The following SCP2 variants were observed in gnomAD, a reference collection of about 807,000 sequenced individuals.
SCP2 encodes the protein SCP-2/3-oxoacyl-CoA thiolase.
In SCP2, 48 loss-of-function variants were observed where a neutral mutation model predicts 71.4. The observed-to-expected ratio is 0.67, with a 90% CI of 0.53 to 0.86. SCP2 has a LOEUF of 0.86. SCP2 is among the 40% of genes least tolerant of loss of function. SCP2 has a pLI of 0.00. For synonymous variants in SCP2, 220 were observed against 218.1 expected, an observed-to-expected ratio of 1.01 and a Z score of -0.08; for missense variants, 560 against 655.6, an observed-to-expected ratio of 0.85 and a Z score of 1.59.
chr1:53,003,164 C>T (rs1338899837), intron 11 of SCP2, among the ~76,000 whole-genome samples: 2 of 152,158 alleles, frequency 1.3e-5, no homozygotes, highest in African/African-American at 4.8e-5. Flanking sequence ...CTCTAGATAC[C>T]TGTTGCTAGC....
At position 52,954,809 on chromosome 1, in the gene SCP2, GTGTTATTT is replaced by G. The variant is rs1456247174; in HGVS notation, c.396+8_396+15del. ...AAGGGAAGCCTTGGAATAAAAGTGA[GTGTTATTT>G]TGGCATAGTTACTAAATGAGCTAAT... is the stretch of plus-strand genomic sequence containing the variant. On this transcript the variant is annotated splice_donor_region_variant and intron_variant, in intron 5 of 15. Transcript: ENST00000371514. 6.2e-7 allele frequency: 1 copy of G among 1,611,160 alleles called. No homozygotes were observed. The highest frequency in any genetic ancestry group is 8.5e-7 in the Non-Finnish European group (1 of 1,177,398).
At chr1:53,046,555 TTA>T (rs1491437247) in intron 14 of SCP2, among the ~76,000 whole-genome samples, 2 of 152,306 alleles carry the variant, frequency 1.3e-5, no homozygotes, top group Admixed American at 6.5e-5. Flanking sequence ...GTTCTTTTTT[TTA>T]TCTTTTCCTG....
At position 52,934,145 on chromosome 1, in the gene SCP2, T is replaced by G. The variant is rs115959437; in HGVS notation, c.69+6680T>G. On this transcript the variant is annotated intron_variant, in intron 1 of 15. Transcript: ENST00000371514. ...GAACAAATGGCACACATGTGATGGT[T>G]AATTCATACTTGAGTATTTTACAGA... Among the ~76,000 whole-genome samples, 436 of 152,342 alleles carry G rather than the reference T, an allele frequency of 2.9e-3. 4 individuals are homozygous for G. The highest frequency in any genetic ancestry group is 9.9e-3 in the African/African-American group (410 of 41,580).
At chr1:53,003,047 C>T (rs1660416750) in intron 11 of SCP2, among the ~76,000 whole-genome samples, 1 of 152,104 alleles carries the variant, frequency 6.6e-6, no homozygotes, top group Non-Finnish European at 1.5e-5. Flanking sequence ...TCCTTGTTTC[C>T]ATTGCCCAGA....
At chr1:53,045,679 GT>G (rs1291402648) in intron 14 of SCP2, among the ~76,000 whole-genome samples, 1 of 151,922 alleles carries the variant, frequency 6.6e-6, no homozygotes, top group Non-Finnish European at 1.5e-5. Context: ...TACTTGCCAG[GT>G]TTTTTTAAAA....
Position 52,959,198 on chromosome 1 carries a change from A to T in SCP2, c.397-2305A>T, listed in dbSNP as rs545667887. Among the ~76,000 whole-genome samples the T allele has an allele frequency of 2.5e-3, 363 of 146,980 alleles. 1 individual carries two copies. The highest frequency in any genetic ancestry group is 7.6e-3 in the African/African-American group (305 of 40,066). On this transcript the variant is annotated intron_variant, in intron 5 of 15. Transcript: ENST00000371514. ...ACTTCTTTTCTTTTCTTTAAAAAAA[A>T]TTTTTTTTTTTTTTGAGATGGAATT...
intron 1 of SCP2, among the ~76,000 whole-genome samples, chr1:52,939,678 C>CTTTA (rs752218104): frequency 2.6e-5 from 4 of 152,082 alleles, no homozygotes; most frequent in Admixed American, 1.3e-4. Context: ...TTTATTTTTG[C>CTTTA]TTTATTTATT....
chr1:52,994,903 G>A, intron 11 of SCP2: 1 of 515,348 alleles, frequency 1.9e-6, no homozygotes, highest in Non-Finnish European at 3.8e-6. Context: ...TGGCAAATAT[G>A]TTCCTTGTGC....
intron 11 of SCP2, among the ~76,000 whole-genome samples, chr1:52,998,836 A>C (rs1304488511): frequency 6.6e-6 from 1 of 152,172 alleles, no homozygotes; most frequent in Non-Finnish European, 1.5e-5. Flanking sequence ...TCAAATGTTA[A>C]AAATTTTGCC....
At chr1:53,044,999 A>G (rs11590871) in intron 14 of SCP2, among the ~76,000 whole-genome samples, 17,367 of 152,268 alleles carry the variant, frequency 0.11, 1,799 homozygotes, top group African/African-American at 0.28. Flanking sequence ...TCCACTGTCC[A>G]GGTTAGGAGT....
chr1:53,002,522 G>A (rs1660382961), intron 11 of SCP2, among the ~76,000 whole-genome samples: 1 of 152,200 alleles, frequency 6.6e-6, no homozygotes, highest in Non-Finnish European at 1.5e-5. Context: ...ACCTGTCAGA[G>A]AGGCTGTGCA....
chr1:53,042,531 G>T (rs949396082), intron 14 of SCP2, among the ~76,000 whole-genome samples: 1 of 152,086 alleles, frequency 6.6e-6, no homozygotes, highest in African/African-American at 2.4e-5. Flanking sequence ...CTTACCCTGG[G>T]GAAGGATAGT....
chr1:52,948,416 C>T (rs898225578), intron 3 of SCP2, among the ~76,000 whole-genome samples: 2 of 151,982 alleles, frequency 1.3e-5, no homozygotes, highest in Admixed American at 6.6e-5. Flanking sequence ...GAGGCCGAGG[C>T]AGGCGGATCA....
chr1:53,010,091 C>G (rs985723413), intron 11 of SCP2, among the ~76,000 whole-genome samples: 54 of 152,254 alleles, frequency 3.5e-4, no homozygotes, highest in African/African-American at 1.3e-3. Flanking sequence ...CCATCTCACA[C>G]CAGTTAGAAT....
intron 11 of SCP2, among the ~76,000 whole-genome samples, chr1:53,004,198 C>T (rs1427824377): frequency 6.6e-6 from 1 of 152,188 alleles, no homozygotes; most frequent in Non-Finnish European, 1.5e-5. Flanking sequence ...TCATGCTACT[C>T]AGAACAGCAT....
intron 1 of SCP2, among the ~76,000 whole-genome samples, chr1:52,935,419 G>GT (rs1368406143): frequency 6.6e-6 from 1 of 150,750 alleles, no homozygotes; most frequent in Non-Finnish European, 1.5e-5. Context: ...GCAAAACCCC[G>GT]TTTTTATTAA....
intron 14 of SCP2, among the ~76,000 whole-genome samples, chr1:53,046,386 A>G (rs1663821376): frequency 6.8e-6 from 1 of 147,202 alleles, no homozygotes; most frequent in Non-Finnish European, 1.5e-5. Flanking sequence ...TGTGGCACTC[A>G]TCATGATTTT....
intron 13 of SCP2, among the ~76,000 whole-genome samples, chr1:53,037,130 C>CGT (rs984378481): frequency 1.3e-5 from 2 of 152,000 alleles, no homozygotes; most frequent in African/African-American, 4.8e-5. Flanking sequence ...GAGCAAGACT[C>CGT]TGTCTCAAAA....
At chr1:52,968,940 G>T (rs1390943888) in intron 6 of SCP2, among the ~76,000 whole-genome samples, 3 of 151,960 alleles carry the variant, frequency 2.0e-5, no homozygotes, top group Non-Finnish European at 2.9e-5. Flanking sequence ...CTAGACAAAA[G>T]AAAATGTTAT....
Sources: gnomAD v4.1 joint callset for allele counts (sites outside exome capture counted in the v4.1 genomes callset) on GRCh38, gnomAD v4.1.1 for gene constraint, MANE v1.5 for transcripts, NCBI Gene and HGNC (gene_info 2026-07-23, HGNC 2026-07-21) for gene names.